SYT14: variants seen among roughly 807,000 people sequenced by gnomAD.
SYT14 encodes the protein synaptotagmin-14.
A neutral mutation model predicts 74.2 loss-of-function variants in SYT14; 32 were observed. The ratio of observed to expected loss-of-function variants is 0.43; its 90% CI spans 0.33 to 0.58. SYT14 has a LOEUF of 0.58. SYT14 is among the 20% of genes least tolerant of loss of function. SYT14 has a pLI of 0.05. For synonymous variants in SYT14, 298 were observed against 337.7 expected (o/e 0.88, Z 1.29); for missense variants, 791 against 981.8 (o/e 0.81, Z 2.60).
intron 7 of SYT14, among the ~76,000 whole-genome samples, chr1:210,109,440 T>G (rs1196716056): frequency 1.3e-5 from 2 of 151,996 alleles, no homozygotes; most frequent in African/African-American, 4.8e-5. Context: ...TAGCTGGGCA[T>G]GGTTGCGCGC....
intron 7 of SYT14, among the ~76,000 whole-genome samples, chr1:210,144,780 T>C (rs756382271): frequency 4.6e-5 from 7 of 152,074 alleles, no homozygotes; most frequent in Admixed American, 2.0e-4. Flanking sequence ...TTAAAACAAA[T>C]TCATTAAAGG....
At chr1:210,036,269 C>T (rs1211664518) in intron 5 of SYT14, among the ~76,000 whole-genome samples, 1 of 151,954 alleles carries the variant, frequency 6.6e-6, no homozygotes, top group Non-Finnish European at 1.5e-5. Context: ...GATTTCTGCT[C>T]ATTGATTTTG....
intron 7 of SYT14, among the ~76,000 whole-genome samples, chr1:210,124,361 A>G (rs1317324118): frequency 6.6e-6 from 1 of 152,144 alleles, no homozygotes; most frequent in Non-Finnish European, 1.5e-5. Flanking sequence ...AGGATTTAAC[A>G]TATGACTAAC....
intron 2 of SYT14, chr1:209,953,136 G>T: frequency 1.5e-6 from 2 of 1,294,410 alleles, no homozygotes; most frequent in Non-Finnish European, 2.0e-6. Flanking sequence ...TGAGGAGTTG[G>T]TTGAAATTCA....
chr1:210,072,431 G>A (rs1303736570), intron 5 of SYT14, among the ~76,000 whole-genome samples: 2 of 151,948 alleles, frequency 1.3e-5, no homozygotes, highest in Non-Finnish European at 2.9e-5. Flanking sequence ...AGAGGATGCA[G>A]TGAAATATTT....
At chr1:209,948,140 TTGGGAG>T (rs1321174550) in intron 1 of SYT14, among the ~76,000 whole-genome samples, 1 of 152,214 alleles carries the variant, frequency 6.6e-6, no homozygotes, top group Non-Finnish European at 1.5e-5. Context: ...ATTGCAGTGG[TTGGGAG>T]TCAAACCTGT....
At chr1:209,968,435 G>C (rs2079190537) in intron 2 of SYT14, among the ~76,000 whole-genome samples, 2 of 151,920 alleles carry the variant, frequency 1.3e-5, no homozygotes, top group African/African-American at 4.8e-5. Flanking sequence ...TCATATGGTA[G>C]ATACTATATG....
intron 5 of SYT14, among the ~76,000 whole-genome samples, chr1:210,077,375 C>T (rs1423046870): frequency 1.3e-5 from 2 of 152,214 alleles, no homozygotes; most frequent in Non-Finnish European, 1.5e-5. Context: ...CCACCTCCAA[C>T]ATTGGGGATT....
intron 5 of SYT14, among the ~76,000 whole-genome samples, chr1:210,046,622 A>C (rs1277774795): frequency 6.6e-6 from 1 of 152,154 alleles, no homozygotes; most frequent in Non-Finnish European, 1.5e-5. Flanking sequence ...ATACAACGTG[A>C]AGTCTCTTGT....
intron 2 of SYT14, among the ~76,000 whole-genome samples, chr1:209,978,599 G>T (rs1381864442): frequency 1.3e-5 from 2 of 152,128 alleles, no homozygotes; most frequent in Admixed American, 1.3e-4. Context: ...GCCGTGTGAG[G>T]TGTCAGTCTG....
At chr1:210,093,996 A>G (rs1001982576) in intron 5 of SYT14, among the ~76,000 whole-genome samples, 1 of 150,932 alleles carries the variant, frequency 6.6e-6, no homozygotes, top group African/African-American at 2.5e-5. Context: ...TAGATGAAGT[A>G]TGTATACATC....
rs2079508144 is a variant in SYT14 at position 209,982,719 on chromosome 1, G to GT, written c.-486+29964dup. Among the ~76,000 whole-genome samples, 3 of 152,220 alleles carry GT rather than the reference G, an allele frequency of 2.0e-5. No individual in the cohort carries two copies. In the South Asian group the frequency reaches 6.2e-4, roughly 32 times the overall value. On this transcript the variant is annotated intron_variant, in intron 2 of 9. Coordinates refer to ENST00000637265, the Ensembl canonical transcript of SYT14. ...CTTTTTTCAGTAAATATCAAGGAAT[G>GT]TAATTGCTGGATCATATGGTAAGAA... is the stretch of plus-strand genomic sequence containing the variant.
chr1:209,964,827 A>G (rs1421740191), intron 2 of SYT14, among the ~76,000 whole-genome samples: 1 of 152,206 alleles, frequency 6.6e-6, no homozygotes, highest in Non-Finnish European at 1.5e-5. Context: ...AAAAAAATGC[A>G]GATTTCCAAA....
At chr1:209,943,978 G>A (rs1300404072) in intron 1 of SYT14, among the ~76,000 whole-genome samples, 3 of 150,652 alleles carry the variant, frequency 2.0e-5, no homozygotes, top group Non-Finnish European at 4.4e-5. Context: ...GCTGTTATTA[G>A]GAGTTTATGA....
Position 210,098,845 on chromosome 1 carries a change from T to A in SYT14, c.1585-1167T>A, listed in dbSNP as rs568249961. On this transcript the variant is annotated intron_variant, in intron 6 of 9. Transcript: ENST00000637265. ...ACAGGCACCTGCCACCCATGCCCAG[T>A]TAATTTTTGTATTTTTAGTAGAGAT... Among the ~76,000 whole-genome samples, 33 of 152,072 alleles carry A rather than the reference T, an allele frequency of 2.2e-4. 1 individual carries two copies. In the South Asian group the frequency reaches 6.9e-3, roughly 32 times the overall value.
At position 210,120,365 on chromosome 1, in the gene SYT14, G is replaced by GTTT. The variant is rs371047537; in HGVS notation, c.2034+19916_2034+19918dup. Among the ~76,000 whole-genome samples, 833 of 131,708 alleles carry GTTT rather than the reference G, an allele frequency of 6.3e-3. 12 individuals carry two copies. The highest frequency in any genetic ancestry group is 0.024 in the African/African-American group (769 of 32,184). 86.4% of individuals were successfully genotyped at this position (131,708 alleles called of 152,430 possible). A position where few individuals can be genotyped will look rare whatever the true frequency, so the allele number is the denominator to read the frequency against. On this transcript the variant is annotated intron_variant, in intron 7 of 9. Transcript: ENST00000637265. Reference sequence around the variant, plus strand: ...GTAAATTTTTTTTGGTGTTTTTGCTGTTTTTTTTTTTTTTGTTTGAGATAG... The same window carrying GTTT: ...GTAAATTTTTTTTGGTGTTTTTGCTGTTTTTTTTTTTTTTTTTGTTTGAGATAG...
At chr1:210,035,767 G>A (rs2080647121) in intron 5 of SYT14, among the ~76,000 whole-genome samples, 1 of 151,986 alleles carries the variant, frequency 6.6e-6, no homozygotes, top group South Asian at 2.1e-4. Context: ...TCATCTGTAA[G>A]TCTATTTTTG....
intron 2 of SYT14, among the ~76,000 whole-genome samples, chr1:209,965,611 T>G (rs1250524598): frequency 6.6e-6 from 1 of 152,194 alleles, no homozygotes; most frequent in African/African-American, 2.4e-5. Flanking sequence ...TAGTTCTATT[T>G]TTAGTTCTTT....
chr1:210,077,773 A>G (rs1360304803), intron 5 of SYT14, among the ~76,000 whole-genome samples: 2 of 152,216 alleles, frequency 1.3e-5, no homozygotes, highest in Admixed American at 6.5e-5. Flanking sequence ...CTTATCATAG[A>G]TATTTTAATG....
Sources: gnomAD v4.1 joint callset for allele counts (sites outside exome capture counted in the v4.1 genomes callset) on GRCh38, gnomAD v4.1.1 for gene constraint, MANE v1.5 for transcripts, NCBI Gene and HGNC (gene_info 2026-07-23, HGNC 2026-07-21) for gene names.